MARK3: variants seen among roughly 807,000 people sequenced by gnomAD.
MARK3 encodes the protein microtubule affinity regulating kinase 3.
In MARK3, 46 loss-of-function variants were observed where a neutral mutation model predicts 90.1. That is an observed-to-expected ratio of 0.51 (90% confidence interval 0.40 to 0.65). The LOEUF is 0.65. MARK3 is among the 30% of genes least tolerant of loss of function. The pLI is 0.00. For synonymous variants in MARK3, 321 were observed against 332.6 expected (o/e 0.97, Z 0.38); for missense variants, 818 against 947.2 (o/e 0.86, Z 1.79).
chr14:103,417,640 T>G (rs995708422), intron 2 of MARK3, among the ~76,000 whole-genome samples: 1 of 152,170 alleles, frequency 6.6e-6, no homozygotes, highest in African/African-American at 2.4e-5. Context: ...TTTTTTAACT[T>G]AAAAATCTTC....
chr14:103,391,447 G>A (rs2090235584), intron 1 of MARK3, among the ~76,000 whole-genome samples: 1 of 151,828 alleles, frequency 6.6e-6, no homozygotes, highest in South Asian at 2.1e-4. Flanking sequence ...CAAATATGCA[G>A]TATTTAAATT....
intron 1 of MARK3, among the ~76,000 whole-genome samples, chr14:103,394,236 C>G (rs963990931): frequency 5.9e-5 from 9 of 152,284 alleles, no homozygotes; most frequent in African/African-American, 2.2e-4. Flanking sequence ...TATCCATTTT[C>G]AAATTTCAAA....
At chr14:103,427,014 A>G (rs1039713088) in intron 2 of MARK3, among the ~76,000 whole-genome samples, 5 of 152,124 alleles carry the variant, frequency 3.3e-5, no homozygotes, top group Admixed American at 2.6e-4. Context: ...GATTTGCTAC[A>G]TTGCATATGT....
intron 6 of MARK3, among the ~76,000 whole-genome samples, chr14:103,460,307 G>A (rs945117115): frequency 1.3e-5 from 2 of 151,626 alleles, no homozygotes; most frequent in East Asian, 1.9e-4. Flanking sequence ...GGATGGTCTC[G>A]ATCTCCTGAC....
At chr14:103,457,990 G>A (rs1054227630) in intron 6 of MARK3, among the ~76,000 whole-genome samples, 1 of 152,134 alleles carries the variant, frequency 6.6e-6, no homozygotes, top group Non-Finnish European at 1.5e-5. Flanking sequence ...ACCTGCCATA[G>A]ACTCAGAGTC....
At chr14:103,390,020 G>A (rs1365457190) in intron 1 of MARK3, among the ~76,000 whole-genome samples, 3 of 151,020 alleles carry the variant, frequency 2.0e-5, no homozygotes, top group East Asian at 1.9e-4. Context: ...AGGCCGAGGC[G>A]GGCAGATCAC....
chr14:103,491,756 T>G (rs775293187), intron 14 of MARK3, 21 bp from the exon 15 acceptor site: 6 of 1,610,316 alleles, frequency 3.7e-6, no homozygotes, highest in Admixed American at 1.7e-5. Context: ...TCTGAGAGCT[T>G]CTTACTTTCT....
At chr14:103,478,305 A>G (rs1226977592) in intron 13 of MARK3, among the ~76,000 whole-genome samples, 2 of 151,726 alleles carry the variant, frequency 1.3e-5, no homozygotes, top group African/African-American at 4.8e-5. Flanking sequence ...AAAAAAAAAA[A>G]AAAAAAGAAC....
At chr14:103,402,557 A>C (rs1566774925) in intron 1 of MARK3, among the ~76,000 whole-genome samples, 1 of 151,504 alleles carries the variant, frequency 6.6e-6, no homozygotes, top group East Asian at 1.9e-4. Flanking sequence ...AAAAAAAAAA[A>C]GGATTTTTCT....
chr14:103,412,131 C>G, intron 2 of MARK3: 1 of 1,306,046 alleles, frequency 7.7e-7, no homozygotes, highest in Non-Finnish European at 1.0e-6. Flanking sequence ...AATATAGGCG[C>G]TGGGGCTTGC....
intron 15 of MARK3, among the ~76,000 whole-genome samples, chr14:103,494,599 G>A (rs971415843): frequency 6.8e-6 from 1 of 148,072 alleles, no homozygotes; most frequent in Admixed American, 6.7e-5. Context: ...GTATATAATG[G>A]AAAAAAGGAA....
chr14:103,493,800 G>A lies in MARK3; in HGVS notation c.1844+1766G>A, dbSNP rs574743349. Among the ~76,000 whole-genome samples, 568 of 150,482 alleles carry A rather than the reference G, an allele frequency of 3.8e-3. 5 individuals carry two copies. The highest frequency in any genetic ancestry group is 0.013 in the African/African-American group (535 of 40,814). On this transcript the variant is annotated intron_variant, in intron 15 of 17. Transcript: ENST00000429436. ...TGAGACAGGAGAATTGCTTGAACCC[G>A]GAAGGCAGAGGTTGCAGTGAGCCGA...
intron 5 of MARK3, among the ~76,000 whole-genome samples, chr14:103,452,682 A>G (rs1475621412): frequency 6.6e-6 from 1 of 151,524 alleles, no homozygotes; most frequent in Non-Finnish European, 1.5e-5. Flanking sequence ...CGTGTTAGCC[A>G]GGATGGTCTC....
chr14:103,493,391 G>C (rs1208862531), intron 15 of MARK3, among the ~76,000 whole-genome samples: 1 of 151,616 alleles, frequency 6.6e-6, no homozygotes, highest in Non-Finnish European at 1.5e-5. Flanking sequence ...CTAGAAGTCA[G>C]ACGCATCAGA....
chr14:103,474,927 G>A (rs914855429), intron 12 of MARK3, 66 bp from the exon 13 acceptor site: 2 of 1,276,772 alleles, frequency 1.6e-6, no homozygotes, highest in African/African-American at 1.5e-5. Context: ...ACAAAATATG[G>A]TTACTGTCAC....
intron 14 of MARK3, 103 bp downstream of exon 14, chr14:103,480,593 G>GT (rs1436852269): frequency 1.5e-6 from 1 of 671,954 alleles, no homozygotes; most frequent in African/African-American, 1.8e-5. Context: ...AATTAAAACT[G>GT]TAAGTATTCT....
intron 13 of MARK3, among the ~76,000 whole-genome samples, chr14:103,475,912 C>G (rs2093706297): frequency 6.6e-6 from 1 of 150,958 alleles, no homozygotes; most frequent in Non-Finnish European, 1.5e-5. Context: ...TCACTGCACT[C>G]TAGCCTGGCG....
At chr14:103,406,554 A>G (rs1340950338) in intron 2 of MARK3, among the ~76,000 whole-genome samples, 1 of 151,964 alleles carries the variant, frequency 6.6e-6, no homozygotes, top group Non-Finnish European at 1.5e-5. Context: ...GCTTTCTCAA[A>G]AGAACATGAA....
chr14:103,465,720 A>G lies in MARK3; in HGVS notation c.704A>G (p.Asp235Gly). ...QGKKYDGPEVDVWSLGVILYT... is the reference protein window; with the variant it reads ...QGKKYDGPEVGVWSLGVILYT... Reference sequence around the variant, plus strand: ...AAGAAATATGACGGGCCAGAAGTGGATGTGTGGAGTCTGGGGGTCATTTTA... The same window carrying G: ...AAGAAATATGACGGGCCAGAAGTGGGTGTGTGGAGTCTGGGGGTCATTTTA... The change falls in exon 8 of 18, where the codon GAT becomes GGT. Residue 235 changes from aspartate to glycine, a missense_variant. Transcript: ENST00000429436. 1 of 1,614,124 alleles carries G rather than the reference A, an allele frequency of 6.2e-7. No individual in the cohort carries two copies. The highest frequency in any genetic ancestry group is 8.5e-7 in the Non-Finnish European group (1 of 1,180,030).
Sources: gnomAD v4.1 joint callset for allele counts (sites outside exome capture counted in the v4.1 genomes callset) on GRCh38, gnomAD v4.1.1 for gene constraint, MANE v1.5 for transcripts, NCBI Gene and HGNC (gene_info 2026-07-23, HGNC 2026-07-21) for gene names.